The following WDR7 variants were observed in gnomAD, a reference collection of about 807,000 sequenced individuals.
The protein encoded by WDR7 is WD repeat domain 7.
WDR7 carries 46 observed loss-of-function variants against 169.4 expected under a neutral mutation model. The observed-to-expected ratio is 0.27, with a 90% CI of 0.21 to 0.35. The LOEUF (loss-of-function observed/expected upper bound fraction) is 0.35. Among genes scored for constraint, WDR7 ranks in the 10% least tolerant of loss-of-function variants. The pLI, the probability that WDR7 is intolerant of heterozygous loss-of-function variation, is 1.00. For missense variants in WDR7, 1,534 were observed against 1,859.3 expected, an observed-to-expected ratio of 0.83 and a Z score of 3.22; for synonymous variants, 612 against 666.8, an observed-to-expected ratio of 0.92 and a Z score of 1.27.
rs1491121428 is a variant in WDR7, at chr18:56,794,327, T to TTTTTTTTTTTTTTTG, written c.3190+12671_3190+12672insTTTTTTTTTTTTTTG. ...CTATTTTTTTTTTTTTTTTTTTTTTTGAGACAGAGTCTCACTCTGTCGCCC... is the reference window on the plus strand; with the variant it reads ...CTATTTTTTTTTTTTTTTTTTTTTTTTTTTTTTTTTTTTTGGAGACAGAGTCTCACTCTGTCGCCC... On this transcript the variant is annotated intron_variant, in intron 19 of 27. Coordinates refer to ENST00000254442, the MANE Select transcript of WDR7 (RefSeq NM_015285.3). Among the ~76,000 whole-genome samples, 7 of 118,064 alleles carry TTTTTTTTTTTTTTTG rather than the reference T, an allele frequency of 5.9e-5. 1 individual carries two copies. The South Asian group carries it at 2.2e-3, about 37-fold the overall frequency. The allele number at this position is 118,064 out of a possible 152,430, so 77.5% of individuals were successfully genotyped here. A position where few individuals can be genotyped will look rare whatever the true frequency, so the allele number is the denominator to read the frequency against.
intron 20 of WDR7, among the ~76,000 whole-genome samples, chr18:56,826,770 T>C (rs2045212084): frequency 6.6e-6 from 1 of 152,212 alleles, no homozygotes; most frequent in Non-Finnish European, 1.5e-5. Flanking sequence ...TACTCTTTCT[T>C]TGTTTACCCT....
chr18:56,803,375 C>A (rs1402179509), intron 19 of WDR7, among the ~76,000 whole-genome samples: 1 of 152,002 alleles, frequency 6.6e-6, no homozygotes, highest in Non-Finnish European at 1.5e-5. Flanking sequence ...GAGTCAAAAG[C>A]GTTCCTATTT....
chr18:56,879,864 A>G (rs1226985292), intron 20 of WDR7, 80 bp from the exon 21 acceptor site: 18 of 1,134,932 alleles, frequency 1.6e-5, no homozygotes, highest in Non-Finnish European at 2.1e-5. Flanking sequence ...CCGAACGTGC[A>G]GTCCTGAATG....
At chr18:56,824,747 C>T (rs978434063) in intron 20 of WDR7, among the ~76,000 whole-genome samples, 2 of 152,166 alleles carry the variant, frequency 1.3e-5, no homozygotes, top group Non-Finnish European at 1.5e-5. Flanking sequence ...ACATAATTAG[C>T]TCTACCGAGT....
intron 26 of WDR7, among the ~76,000 whole-genome samples, chr18:56,983,994 G>A (rs547775085): frequency 1.3e-5 from 2 of 148,866 alleles, no homozygotes; most frequent in African/African-American, 2.4e-5. Context: ...ACATATTTGA[G>A]GAATGTTTAC....
intron 25 of WDR7, among the ~76,000 whole-genome samples, chr18:56,955,007 A>G (rs1312806392): frequency 1.3e-5 from 2 of 152,162 alleles, no homozygotes; most frequent in Non-Finnish European, 2.9e-5. Context: ...TCTAGTAAGG[A>G]AATGAACACT....
intron 26 of WDR7, among the ~76,000 whole-genome samples, chr18:56,992,052 G>A (rs2047825567): frequency 6.6e-6 from 1 of 152,186 alleles, no homozygotes; most frequent in South Asian, 2.1e-4. Context: ...AGCCCATGCT[G>A]TTTAATTTTA....
rs768757355 is a variant in WDR7 at position 56,880,126 on chromosome 18, A to T, written c.3487A>T (p.Thr1163Ser). The change falls in exon 21 of 28, where the codon ACT becomes TCT. Residue 1163 changes from threonine (T) to serine (S), a missense_variant. Thr to Ser is a moderately conservative substitution (Grantham distance 58, BLOSUM62 1). Transcript: ENST00000254442. Reference sequence around the variant, plus strand: ...CCAAATTCCTGAGGGATTCGGGTTGACTAGTGGTGGATCCAACTACTCGCT... The same window carrying T: ...CCAAATTCCTGAGGGATTCGGGTTGTCTAGTGGTGGATCCAACTACTCGCT... The part of the protein sequence containing the change: ...SSQIPEGFGL[T>S]SGGSNYSLAR... 1.2e-6 allele frequency: 2 copies of T among 1,614,098 alleles called. No homozygotes were observed. The highest frequency in any genetic ancestry group is 2.7e-5 in the African/African-American group (2 of 75,062).
intron 26 of WDR7, among the ~76,000 whole-genome samples, chr18:56,962,731 A>G (rs1019036091): frequency 3.9e-5 from 6 of 152,306 alleles, no homozygotes; most frequent in Non-Finnish European, 8.8e-5. Context: ...GCCACAGAAG[A>G]GTTCATAAGA....
chr18:56,930,504 A>C (rs1002855550), intron 22 of WDR7, among the ~76,000 whole-genome samples: 1 of 152,220 alleles, frequency 6.6e-6, no homozygotes, highest in Non-Finnish European at 1.5e-5. Flanking sequence ...TGTATTTAGC[A>C]TACAGGAAAT....
intron 16 of WDR7, among the ~76,000 whole-genome samples, chr18:56,765,716 T>A (rs1306852938): frequency 1.3e-5 from 2 of 152,146 alleles, no homozygotes; most frequent in Non-Finnish European, 2.9e-5. Context: ...TTTGTGTAGA[T>A]CAAGACTTCT....
intron 14 of WDR7, among the ~76,000 whole-genome samples, chr18:56,755,681 G>A (rs766643990): frequency 1.1e-4 from 17 of 152,190 alleles, no homozygotes; most frequent in Admixed American, 2.6e-4. Flanking sequence ...TCTGGCTGAT[G>A]ATGGAAATTA....
chr18:56,684,114 G>T (rs996721112), intron 5 of WDR7, among the ~76,000 whole-genome samples: 1 of 152,086 alleles, frequency 6.6e-6, no homozygotes, highest in Non-Finnish European at 1.5e-5. Context: ...GCAGACCTGC[G>T]ATCAGGATGT....
At chr18:57,021,160 C>T (rs1468784878) in intron 27 of WDR7, among the ~76,000 whole-genome samples, 1 of 152,120 alleles carries the variant, frequency 6.6e-6, no homozygotes, top group Non-Finnish European at 1.5e-5. Flanking sequence ...GAAGGCTTTT[C>T]AGGGGAAGTG....
intron 13 of WDR7, 128 bp from the exon 14 acceptor site, chr18:56,731,255 A>G (rs1161377442): frequency 2.8e-6 from 3 of 1,065,010 alleles, no homozygotes; most frequent in Non-Finnish European, 4.0e-6. Context: ...AAGTACAAAA[A>G]AAAATTTCCA....
chr18:56,837,723 T>C (rs1476639795), intron 20 of WDR7, among the ~76,000 whole-genome samples: 4 of 152,150 alleles, frequency 2.6e-5, no homozygotes. Context: ...GCAATATGCG[T>C]GATCTCGGCT....
At position 56,686,889 on chromosome 18, in the gene WDR7, C is replaced by G. The variant is rs1006609472; in HGVS notation, c.632C>G (p.Pro211Arg). ...CCAATATTTGAGGAGGAATCCAAAC[C>G]AATTTATTGTCAGAATTGCCAAAGC... The part of the protein sequence containing the change: ...TEPIFEEESK[P>R]IYCQNCQSIS... Residue 211 changes from proline to arginine, a missense_variant, in exon 7 of 28, where the codon CCA becomes CGA. By Grantham distance (103) the Pro-to-Arg change is moderately radical. Coordinates refer to ENST00000254442, the MANE Select transcript of WDR7 (RefSeq NM_015285.3). 2 of 1,609,056 alleles carry G rather than the reference C, an allele frequency of 1.2e-6. No individual in the cohort carries two copies. The highest frequency in any genetic ancestry group is 1.7e-6 in the Non-Finnish European group (2 of 1,175,860).
At chr18:56,823,445 T>C (rs374968301) in intron 20 of WDR7, among the ~76,000 whole-genome samples, 2 of 152,086 alleles carry the variant, frequency 1.3e-5, no homozygotes, top group Admixed American at 1.3e-4. Context: ...TTTGTATTCA[T>C]AGTGGTGGCA....
chr18:56,960,572 T>C (rs1323610406), intron 25 of WDR7, among the ~76,000 whole-genome samples: 1 of 152,182 alleles, frequency 6.6e-6, no homozygotes, highest in African/African-American at 2.4e-5. Flanking sequence ...TAATAAGACA[T>C]ACATTATTCA....
Sources: allele counts gnomAD v4.1 joint callset (sites outside exome capture counted in the v4.1 genomes callset), GRCh38; gene constraint gnomAD v4.1.1; transcripts MANE v1.5; gene names NCBI Gene and HGNC (gene_info 2026-07-23, HGNC 2026-07-21).